LLCFC1: variants seen among roughly 807,000 people sequenced by gnomAD.
LLCFC1 encodes the protein sperm-oocyte fusion factor 1.
A neutral mutation model predicts 9.8 loss-of-function variants in LLCFC1; 14 were observed. That is an observed-to-expected ratio of 1.43 (90% CI 0.95 to 2.24). LLCFC1 has a LOEUF of 2.24. Among genes scored for constraint, LLCFC1 ranks in the 30% most tolerant of loss-of-function variants. The probability of loss-of-function intolerance (pLI) is 0.00; values close to 1 mark genes in which losing one functional copy is unlikely to be tolerated. For missense variants in LLCFC1, 162 were observed against 148.0 expected (o/e 1.09, Z -0.49); for synonymous variants, 70 against 58.8 (o/e 1.19, Z -0.87).
rs142313157 is a variant in LLCFC1, at chr7:142,939,675, G to A, written c.54G>A (p.Leu18=). 1 of 1,614,102 alleles carries A rather than the reference G, an allele frequency of 6.2e-7. No homozygotes were observed. The highest frequency in any genetic ancestry group is 8.5e-7 in the Non-Finnish European group (1 of 1,179,990). The change falls in exon 1 of 2, where the codon TTG becomes TTA. Residue 18 remains leucine, a synonymous_variant. Coordinates refer to ENST00000409607, the MANE Select transcript of LLCFC1 (RefSeq NM_001382496.1). ...LCRAVFLVPI[L]LLLQVKPLNG... The stretch of plus-strand genomic sequence containing the variant: ...GGGCAGTGTTCCTGGTTCCTATCTT[G>A]CTGCTGCTGCAGGTGAAGCCTCTGA...
chr7:142,940,687 C>A lies in LLCFC1; in HGVS notation c.*100C>A. On this transcript the variant is annotated 3_prime_UTR_variant, in exon 2 of 2. Transcript: ENST00000409607. ...ATCACTGTATCTCAAGGTTCAGCAG[C>A]AGAGATACCAGTTGCCATCAGTGCT... 2 of 1,022,018 alleles carry A rather than the reference C, an allele frequency of 2.0e-6. No homozygotes were observed. Among genetic ancestry groups the A allele is most frequent in the Non-Finnish European group, 3.0e-6 (2 of 675,568 alleles). The allele number at this position is 1,022,018 out of a possible 1,614,324, so 63.3% of individuals were successfully genotyped here.
rs1420138791 is a variant in LLCFC1 at position 142,939,824 on chromosome 7, G to A, written c.133+70G>A. 4.1e-6 allele frequency: 6 copies of A among 1,474,594 alleles called. No homozygotes were observed. The Admixed American group carries it at 6.2e-5, about 15-fold the overall frequency. 91.3% of individuals were successfully genotyped at this position (1,474,594 alleles called of 1,614,324 possible). A position where few individuals can be genotyped will look rare whatever the true frequency, so the allele number is the denominator to read the frequency against. ...TTCAGGTAGGTAGAAAAAAAGACGG[G>A]AGAGTCTGGAGGCTCAGGGTGAGGT... On this transcript the variant is annotated intron_variant, in intron 1 of 1. Transcript: ENST00000409607.
In LLCFC1 at chr7:142,940,632, T is replaced by G; in HGVS notation, c.*45T>G. The G allele has an allele frequency of 6.8e-7, 1 of 1,470,350 alleles. No individual in the cohort carries two copies. 91.1% of individuals were successfully genotyped at this position (1,470,350 alleles called of 1,614,324 possible). A position where few individuals can be genotyped will look rare whatever the true frequency, so the allele number is the denominator to read the frequency against. ...TCCAGGTCACAACTCCCAAAGGAGATGCAGGCATGGCTCTCTGCCTCTGAT... is the reference window on the plus strand; with the variant it reads ...TCCAGGTCACAACTCCCAAAGGAGAGGCAGGCATGGCTCTCTGCCTCTGAT... On this transcript the variant is annotated 3_prime_UTR_variant, in exon 2 of 2. Transcript: ENST00000409607.
Position 142,940,404 on chromosome 7 carries a change from G to A in LLCFC1, c.186G>A (p.Glu62=). 6.2e-7 allele frequency: 1 copy of A among 1,614,168 alleles called. No individual in the cohort carries two copies. The highest frequency in any genetic ancestry group is 8.5e-7 in the Non-Finnish European group (1 of 1,180,034). The change falls in exon 2 of 2, where the codon GAG becomes GAA. Residue 62 remains glutamate, a synonymous_variant. Coordinates refer to ENST00000409607, the MANE Select transcript of LLCFC1 (RefSeq NM_001382496.1). The part of the protein sequence containing the change: ...EEHFVASSVG[E]MWQVVDMAQQ... ...ACTTTGTGGCCTCCTCAGTGGGTGA[G>A]ATGTGGCAGGTGGTGGACATGGCCC...
Position 142,940,332 on chromosome 7 carries a change from G to T in LLCFC1, c.134-20G>T, listed in dbSNP as rs755749473. ...AGGCCAGGGTCAGGGCTCAGTCCTT[G>T]TCCTTTTCCCCTGTTCCAGACCAGA... On this transcript the variant is annotated intron_variant, in intron 1 of 1. Transcript: ENST00000409607. 1.9e-6 allele frequency: 3 copies of T among 1,603,230 alleles called. No individual in the cohort carries two copies. The highest frequency in any genetic ancestry group is 2.6e-6 in the Non-Finnish European group (3 of 1,170,236).
Position 142,940,759 on chromosome 7 carries a change from G to A in LLCFC1, c.*172G>A. 1 of 631,942 alleles carries A rather than the reference G, an allele frequency of 1.6e-6. No homozygotes were observed. The highest frequency in any genetic ancestry group is 2.8e-6 in the Non-Finnish European group (1 of 359,152). The allele number at this position is 631,942 out of a possible 1,614,324, so 39.1% of individuals were successfully genotyped here. A position where few individuals can be genotyped will look rare whatever the true frequency, so the allele number is the denominator to read the frequency against. On this transcript the variant is annotated 3_prime_UTR_variant, in exon 2 of 2. Transcript: ENST00000409607. ...CGGAGTTTCATCTCCCAGGGCCAGAGACAGCAGACCCACATCCTTCTCTCC... is the reference window on the plus strand; with the variant it reads ...CGGAGTTTCATCTCCCAGGGCCAGAAACAGCAGACCCACATCCTTCTCTCC...
In LLCFC1 at chr7:142,940,533, G is replaced by A; in HGVS notation, c.315G>A (p.Gly105=). 1 of 1,614,146 alleles carries A rather than the reference G, an allele frequency of 6.2e-7. No individual in the cohort carries two copies. The highest frequency in any genetic ancestry group is 8.5e-7 in the Non-Finnish European group (1 of 1,180,034). ...SLASVMVFSG[G]PLRRTFPNIQ... is the part of the protein sequence containing the mutation. ...CCAGTGTCATGGTTTTCTCAGGAGG[G>A]CCATTGAGGCGGACATTCCCAAATA... Residue 105 remains glycine, a synonymous_variant, in exon 2 of 2, where the codon GGG becomes GGA. Coordinates refer to ENST00000409607, the MANE Select transcript of LLCFC1 (RefSeq NM_001382496.1).
Position 142,940,339 on chromosome 7 carries a change from T to C in LLCFC1, c.134-13T>C, listed in dbSNP as rs1239339269. On this transcript the variant is annotated splice_polypyrimidine_tract_variant and intron_variant, in intron 1 of 1. Coordinates refer to ENST00000409607, the MANE Select transcript of LLCFC1 (RefSeq NM_001382496.1). The stretch of plus-strand genomic sequence containing the variant: ...GGTCAGGGCTCAGTCCTTGTCCTTT[T>C]CCCCTGTTCCAGACCAGAATCAAGA... 2 of 1,608,314 alleles carry C rather than the reference T, an allele frequency of 1.2e-6. No individual in the cohort carries two copies. The highest frequency in any genetic ancestry group is 1.1e-5 in the South Asian group (1 of 90,966).
Position 142,939,663 on chromosome 7 carries a change from G to A in LLCFC1, c.42G>A (p.Leu14=). ...LAPQLCRAVF[L]VPILLLLQVK... is the part of the protein sequence containing the mutation. ...CCCAGCTCTGCAGGGCAGTGTTCCT[G>A]GTTCCTATCTTGCTGCTGCTGCAGG... The change falls in exon 1 of 2, where the codon CTG becomes CTA. Residue 14 remains leucine, a synonymous_variant. Transcript: ENST00000409607. 1 of 1,614,192 alleles carries A rather than the reference G, an allele frequency of 6.2e-7. No homozygotes were observed. Among genetic ancestry groups the A allele is most frequent in the Non-Finnish European group, 8.5e-7 (1 of 1,180,012 alleles).
At chr7:142,940,112 T>G (rs1368767943) in intron 1 of LLCFC1, among the ~76,000 whole-genome samples, 1 of 8,842 alleles carries the variant, frequency 1.1e-4, no homozygotes, top group African/African-American at 1.5e-4. Context: ...GAATGGTGTG[T>G]GTGTGTGTGT....
chr7:142,939,784 A>G, intron 1 of LLCFC1, 30 bp downstream of exon 1: 1 of 1,585,662 alleles, frequency 6.3e-7, no homozygotes. Flanking sequence ...GGAGCCATAC[A>G]GAGAAAACAC....
Position 142,939,519 on chromosome 7 carries a change from C to A in LLCFC1, c.-103C>A. The A allele has an allele frequency of 6.6e-7, 1 of 1,523,030 alleles. No individual in the cohort carries two copies. The allele number at this position is 1,523,030 out of a possible 1,614,324, so 94.3% of individuals were successfully genotyped here. A position where few individuals can be genotyped will look rare whatever the true frequency, so the allele number is the denominator to read the frequency against. On this transcript the variant is annotated 5_prime_UTR_variant, in exon 1 of 2. It adds an upstream start codon to the 5' untranslated region. Transcript: ENST00000409607. ...TGGAAGGTGAGGGGAGAAAATGCCCCTGGAAAGGGTTAAGGGCCAGGACAG... is the reference window on the plus strand; with the variant it reads ...TGGAAGGTGAGGGGAGAAAATGCCCATGGAAAGGGTTAAGGGCCAGGACAG...
chr7:142,939,586 G>T lies in LLCFC1; in HGVS notation c.-36G>T. ...GCACGGATCCTGCTGGGCACTGGGAGCAGGGGGCGGCCAAAGGCAGTGGGT... is the reference window on the plus strand; with the variant it reads ...GCACGGATCCTGCTGGGCACTGGGATCAGGGGGCGGCCAAAGGCAGTGGGT... On this transcript the variant is annotated 5_prime_UTR_variant, in exon 1 of 2. Coordinates refer to ENST00000409607, the MANE Select transcript of LLCFC1 (RefSeq NM_001382496.1). The T allele has an allele frequency of 6.3e-7, 1 of 1,596,490 alleles. No homozygotes were observed. The highest frequency in any genetic ancestry group is 8.5e-7 in the Non-Finnish European group (1 of 1,170,686).
At position 142,940,417 on chromosome 7, in the gene LLCFC1, G is replaced by A; in HGVS notation, c.199G>A (p.Val67Met). 6.2e-7 allele frequency: 1 copy of A among 1,614,154 alleles called. No individual in the cohort carries two copies. Among genetic ancestry groups the A allele is most frequent in the Non-Finnish European group, 8.5e-7 (1 of 1,180,020 alleles). The change falls in exon 2 of 2, where the codon GTG (valine) becomes ATG (methionine). Residue 67 changes from valine to methionine, a missense_variant. By Grantham distance (21) the Val-to-Met change is conservative. Transcript: ENST00000409607. ...CTCAGTGGGTGAGATGTGGCAGGTG[G>A]TGGACATGGCCCAGCAGGAAGAAGA... ...ASSVGEMWQV[V>M]DMAQQEEDQS...
chr7:142,940,858 C>T lies in LLCFC1; in HGVS notation c.*271C>T. ...AATGACAATAAAATAACGATAAAAT[C>T]CTGAGAACAATTGGGAGCAGCTTTC... On this transcript the variant is annotated 3_prime_UTR_variant, in exon 2 of 2. Coordinates refer to ENST00000409607, the MANE Select transcript of LLCFC1 (RefSeq NM_001382496.1). 1 of 586,318 alleles carries T rather than the reference C, an allele frequency of 1.7e-6. No homozygotes were observed. Among genetic ancestry groups the T allele is most frequent in the South Asian group, 2.1e-5 (1 of 47,710 alleles). 36.3% of individuals were successfully genotyped at this position (586,318 alleles called of 1,614,324 possible). A position where few individuals can be genotyped will look rare whatever the true frequency, so the allele number is the denominator to read the frequency against.
At chr7:142,939,868 C>T in intron 1 of LLCFC1, 114 bp downstream of exon 1, 1 of 1,061,474 alleles carries the variant, frequency 9.4e-7, no homozygotes, top group Middle Eastern at 2.9e-4. Context: ...GGCCAGGCCC[C>T]AGGTCACTGA....
rs1796329435 is a variant in LLCFC1 at position 142,940,774 on chromosome 7, T to A, written c.*187T>A. On this transcript the variant is annotated 3_prime_UTR_variant, in exon 2 of 2. Coordinates refer to ENST00000409607, the MANE Select transcript of LLCFC1 (RefSeq NM_001382496.1). ...CAGGGCCAGAGACAGCAGACCCACA[T>A]CCTTCTCTCCCACACCTCTCCTGGT... 6 of 614,206 alleles carry A rather than the reference T, an allele frequency of 9.8e-6. No homozygotes were observed. The East Asian group carries it at 1.6e-4, about 17-fold the overall frequency. 38.0% of individuals were successfully genotyped at this position (614,206 alleles called of 1,614,324 possible).
chr7:142,939,802 A>G (rs1368258567), intron 1 of LLCFC1, 48 bp downstream of exon 1: 2 of 1,546,930 alleles, frequency 1.3e-6, no homozygotes, highest in East Asian at 2.3e-5. Flanking sequence ...CACCCTCTTC[A>G]GGTAGGTAGA....
chr7:142,940,116 T>A (rs1372655763), intron 1 of LLCFC1, among the ~76,000 whole-genome samples: 3 of 67,188 alleles, frequency 4.5e-5, no homozygotes, highest in African/African-American at 8.3e-5. Context: ...GGTGTGTGTG[T>A]GTGTGTGTGT....
Sources: allele counts gnomAD v4.1 joint callset (sites outside exome capture counted in the v4.1 genomes callset), GRCh38; gene constraint gnomAD v4.1.1; transcripts MANE v1.5; gene names NCBI Gene and HGNC (gene_info 2026-07-23, HGNC 2026-07-21).